ADGRB3: variants seen among roughly 807,000 people sequenced by gnomAD.
ADGRB3 encodes the protein brain-specific angiogenesis inhibitor 3.
Under a neutral mutation model 193.4 loss-of-function variants are expected in ADGRB3, and 37 were observed. That is an observed-to-expected ratio of 0.19 (90% CI 0.15 to 0.25). ADGRB3 has a LOEUF of 0.25. Ranked by LOEUF, ADGRB3 falls within the 10% of genes least tolerant of loss-of-function variation. The probability of loss-of-function intolerance (pLI) is 1.00; values close to 1 mark genes in which losing one functional copy is unlikely to be tolerated. For synonymous variants in ADGRB3, 690 were observed against 644.2 expected (o/e 1.07, Z -1.08); for missense variants, 1,637 against 1,852.9 (o/e 0.88, Z 2.14).
intron 13 of ADGRB3, among the ~76,000 whole-genome samples, chr6:69,023,464 C>T (rs747681224): frequency 6.6e-6 from 1 of 152,000 alleles, no homozygotes; most frequent in Non-Finnish European, 1.5e-5. Context: ...TAGATGGTTA[C>T]AGTCCAGAAC....
intron 15 of ADGRB3, among the ~76,000 whole-genome samples, chr6:69,062,576 C>G (rs9294818): frequency 0.032 from 4,861 of 151,856 alleles, 144 homozygotes; most frequent in East Asian, 0.1. Flanking sequence ...GAACAAAACT[C>G]TTAGGTCCTC....
At chr6:68,968,948 GCA>G in intron 8 of ADGRB3, among the ~76,000 whole-genome samples, 1 of 151,954 alleles carries the variant, frequency 6.6e-6, no homozygotes, top group South Asian at 2.1e-4. Flanking sequence ...CATTTTCCTA[GCA>G]CCTACCATAC....
At position 68,989,072 on chromosome 6, in the gene ADGRB3, G is replaced by T. The variant is rs137890937; in HGVS notation, c.1735-4696G>T. Among the ~76,000 whole-genome samples the T allele has an allele frequency of 1.1e-4, 17 of 151,926 alleles. No homozygotes were observed. In the East Asian group the frequency reaches 3.1e-3, roughly 28 times the overall value. The stretch of plus-strand genomic sequence containing the variant: ...ACTGTTTCACAAACCAGGCACTTGG[G>T]GCTCCCAAAAGATAAATATATCCCA... On this transcript the variant is annotated intron_variant, in intron 10 of 31. Coordinates refer to ENST00000370598, the MANE Select transcript of ADGRB3 (RefSeq NM_001704.3).
intron 3 of ADGRB3, among the ~76,000 whole-genome samples, chr6:68,849,077 G>A (rs1326314805): frequency 1.3e-5 from 2 of 151,938 alleles, no homozygotes; most frequent in Non-Finnish European, 2.9e-5. Context: ...TGGCTGAAAT[G>A]TTTGAGTTGT....
At chr6:68,639,493 C>T in intron 3 of ADGRB3, 61 bp downstream of exon 3, 2 of 1,473,620 alleles carry the variant, frequency 1.4e-6, no homozygotes, top group South Asian at 1.4e-5. Flanking sequence ...GGAGTTAAAA[C>T]GTGCTGTTTC....
At chr6:69,186,608 A>G (rs2150353302) in intron 17 of ADGRB3, among the ~76,000 whole-genome samples, 1 of 152,232 alleles carries the variant, frequency 6.6e-6, no homozygotes, top group Middle Eastern at 3.4e-3. Context: ...CTCAGTCACT[A>G]TTTTTTAGTA....
intron 26 of ADGRB3, among the ~76,000 whole-genome samples, chr6:69,340,028 G>A (rs1312796759): frequency 6.6e-6 from 1 of 152,082 alleles, no homozygotes; most frequent in Non-Finnish European, 1.5e-5. Context: ...TGATTGCTAT[G>A]GATTATTGCT....
chr6:69,277,201 G>A (rs1413672147), intron 20 of ADGRB3, among the ~76,000 whole-genome samples: 1 of 151,932 alleles, frequency 6.6e-6, no homozygotes, highest in Admixed American at 6.6e-5. Context: ...CAACATGTTG[G>A]TCAGGCTGGT....
At chr6:68,828,083 T>C (rs1767879495) in intron 3 of ADGRB3, among the ~76,000 whole-genome samples, 1 of 152,200 alleles carries the variant, frequency 6.6e-6, no homozygotes, top group African/African-American at 2.4e-5. Context: ...AGTAGCTACG[T>C]GACATTCATT....
intron 4 of ADGRB3, 102 bp from the exon 5 acceptor site, chr6:68,936,417 C>A: frequency 8.4e-7 from 1 of 1,193,822 alleles, no homozygotes; most frequent in Non-Finnish European, 1.2e-6. Flanking sequence ...CATATTTTTA[C>A]ATTTAAATTA....
chr6:69,056,971 A>T (rs1771562300), intron 15 of ADGRB3, among the ~76,000 whole-genome samples: 1 of 152,118 alleles, frequency 6.6e-6, no homozygotes, highest in African/African-American at 2.4e-5. Flanking sequence ...CAAAAATACC[A>T]TTTGGATAGA....
rs993526447 is a variant in ADGRB3 at position 69,325,040 on chromosome 6, C to A, written c.2965+18C>A. The A allele has an allele frequency of 6.2e-7, 1 of 1,601,940 alleles. No individual in the cohort carries two copies. The highest frequency in any genetic ancestry group is 1.1e-5 in the South Asian group (1 of 89,384). ...TGGATGGGGTAAGCATATTGATATA[C>A]CGTTTCATGCTCTTCTCAAAATGAC... On this transcript the variant is annotated intron_variant, in intron 21 of 31. Coordinates refer to ENST00000370598, the MANE Select transcript of ADGRB3 (RefSeq NM_001704.3).
chr6:69,279,104 T>C (rs1767367573), intron 20 of ADGRB3, among the ~76,000 whole-genome samples: 1 of 138,060 alleles, frequency 7.2e-6, no homozygotes, highest in Admixed American at 7.2e-5. Context: ...TATATATATA[T>C]ATATATATAT....
chr6:69,254,839 C>T (rs1766716639), intron 20 of ADGRB3, among the ~76,000 whole-genome samples: 1 of 146,320 alleles, frequency 6.8e-6, no homozygotes, highest in Non-Finnish European at 1.5e-5. Flanking sequence ...ATATATCTCC[C>T]AATGCTATCC....
At chr6:69,095,839 C>T (rs539121891) in intron 17 of ADGRB3, among the ~76,000 whole-genome samples, 1 of 152,196 alleles carries the variant, frequency 6.6e-6, no homozygotes, top group Admixed American at 6.5e-5. Flanking sequence ...AACCCTCTTG[C>T]TTGTTTGTAC....
chr6:68,713,239 T>C (rs1765434526), intron 3 of ADGRB3, among the ~76,000 whole-genome samples: 1 of 151,944 alleles, frequency 6.6e-6, no homozygotes, highest in Admixed American at 6.6e-5. Context: ...TGATTTCCAA[T>C]TTTTGTGAAC....
chr6:69,219,639 A>T (rs143695577), intron 17 of ADGRB3, among the ~76,000 whole-genome samples: 67 of 151,554 alleles, frequency 4.4e-4, no homozygotes, highest in African/African-American at 1.5e-3. Flanking sequence ...CTAAAAGATT[A>T]TGTAACTCAC....
chr6:69,361,575 T>G lies in ADGRB3; in HGVS notation c.4239+63T>G. 2.7e-6 allele frequency: 4 copies of G among 1,484,592 alleles called. No homozygotes were observed. The South Asian group carries it at 5.3e-5, about 19-fold the overall frequency. 92.0% of individuals were successfully genotyped at this position (1,484,592 alleles called of 1,614,324 possible). On this transcript the variant is annotated intron_variant, in intron 29 of 31. Coordinates refer to ENST00000370598, the MANE Select transcript of ADGRB3 (RefSeq NM_001704.3). ...AAATATGAATAGATATAAATAGAGA[T>G]ATTGATTGATTGGTTGATTGATTGA...
intron 17 of ADGRB3, among the ~76,000 whole-genome samples, chr6:69,100,042 A>G (rs913180821): frequency 1.3e-5 from 2 of 152,234 alleles, no homozygotes; most frequent in African/African-American, 4.8e-5. Context: ...GTTTGGACAC[A>G]TCAGTCATTT....
Sources: allele counts gnomAD v4.1 joint callset (sites outside exome capture counted in the v4.1 genomes callset), GRCh38; gene constraint gnomAD v4.1.1; transcripts MANE v1.5; gene names NCBI Gene and HGNC (gene_info 2026-07-23, HGNC 2026-07-21).